The following PKN2 variants were observed in gnomAD, a reference collection of about 807,000 sequenced individuals.
The protein encoded by PKN2 is protein kinase N2.
Under a neutral mutation model 119.1 loss-of-function variants are expected in PKN2, and 38 were observed. The observed-to-expected ratio is 0.32, with a 90% CI of 0.25 to 0.42. PKN2 has a LOEUF of 0.42. PKN2 is among the 10% of genes least tolerant of loss of function. The pLI is 1.00. For synonymous variants in PKN2, 390 were observed against 384.9 expected, an observed-to-expected ratio of 1.01 and a Z score of -0.15; for missense variants, 850 against 1,165.1, an observed-to-expected ratio of 0.73 and a Z score of 3.94.
At chr1:88,775,392 A>G (rs1670051828) in intron 6 of PKN2, among the ~76,000 whole-genome samples, 1 of 152,218 alleles carries the variant, frequency 6.6e-6, no homozygotes, top group Admixed American at 6.5e-5. Flanking sequence ...TCTTTCACTT[A>G]GTAATATGCA....
At chr1:88,813,844 C>A (rs1362428449) in intron 16 of PKN2, 111 bp downstream of exon 16, 1 of 836,132 alleles carries the variant, frequency 1.2e-6, no homozygotes, top group Non-Finnish European at 1.8e-6. Context: ...AAATAGATCT[C>A]TGCAAGAAAT....
At chr1:88,714,672 G>T (rs1364180291) in intron 1 of PKN2, among the ~76,000 whole-genome samples, 2 of 152,142 alleles carry the variant, frequency 1.3e-5, no homozygotes, top group African/African-American at 4.8e-5. Context: ...GAGATTTGGG[G>T]CTGAGACGAT....
At chr1:88,717,547 T>C (rs1303845482) in intron 1 of PKN2, among the ~76,000 whole-genome samples, 1 of 151,950 alleles carries the variant, frequency 6.6e-6, no homozygotes, top group Non-Finnish European at 1.5e-5. Context: ...TCATTTGATC[T>C]TCAATCACTG....
chr1:88,697,982 T>A (rs1666610119), intron 1 of PKN2, among the ~76,000 whole-genome samples: 1 of 152,234 alleles, frequency 6.6e-6, no homozygotes, highest in South Asian at 2.1e-4. Context: ...CTAGGCTTAA[T>A]GCTTAAAATC....
At chr1:88,809,689 C>G (rs1298940282) in intron 15 of PKN2, among the ~76,000 whole-genome samples, 2 of 152,118 alleles carry the variant, frequency 1.3e-5, no homozygotes, top group Non-Finnish European at 2.9e-5. Flanking sequence ...TAGCATGATC[C>G]TAGTTCACTG....
chr1:88,698,342 CT>C (rs774659956), intron 1 of PKN2, among the ~76,000 whole-genome samples: 1 of 152,146 alleles, frequency 6.6e-6, no homozygotes, highest in Non-Finnish European at 1.5e-5. Flanking sequence ...AAGGACCCCC[CT>C]GTACAATGAA....
intron 8 of PKN2, among the ~76,000 whole-genome samples, chr1:88,788,732 A>C (rs1179583502): frequency 6.6e-6 from 1 of 152,132 alleles, no homozygotes; most frequent in Non-Finnish European, 1.5e-5. Flanking sequence ...CTCCTGAACC[A>C]CCGTGCCTGG....
chr1:88,729,798 G>C (rs79257703), intron 1 of PKN2, among the ~76,000 whole-genome samples: 1 of 150,838 alleles, frequency 6.6e-6, no homozygotes, highest in African/African-American at 2.5e-5. Flanking sequence ...CCATAGCTTC[G>C]CAACATGTTG....
rs1473696683 is a variant in PKN2, at chr1:88,833,443, T to C, written c.2950T>C (p.Cys984Arg). The change falls in exon 22 of 22, where the codon TGT (cysteine) becomes CGT (arginine). Residue 984 changes from cysteine to arginine, a missense_variant. This residue lies in a region of PKN2 where 52 missense variants were observed against 39.9 expected (regional missense o/e 1.30). Transcript: ENST00000370521. ...AGATTTTGACTACATTGCTGATTGG[T>C]GTTAAGTTGCTAGACACTGCGAAAC... ...FRDFDYIADW[C>R] The C allele has an allele frequency of 6.2e-6, 10 of 1,612,762 alleles. No individual in the cohort carries two copies. Among genetic ancestry groups the C allele is most frequent in the Non-Finnish European group, 7.6e-6 (9 of 1,179,032 alleles).
chr1:88,710,996 T>TG (rs1199147611), intron 1 of PKN2, among the ~76,000 whole-genome samples: 1 of 152,084 alleles, frequency 6.6e-6, no homozygotes, highest in Non-Finnish European at 1.5e-5. Flanking sequence ...ATGTCTTCTG[T>TG]GGGGACATGG....
chr1:88,698,479 T>G (rs1666630038), intron 1 of PKN2, among the ~76,000 whole-genome samples: 1 of 152,230 alleles, frequency 6.6e-6, no homozygotes, highest in South Asian at 2.1e-4. Flanking sequence ...CTTGGTGAAG[T>G]CAATTCTGGA....
intron 1 of PKN2, among the ~76,000 whole-genome samples, chr1:88,712,085 T>G (rs1667258139): frequency 6.6e-6 from 1 of 152,154 alleles, no homozygotes; most frequent in South Asian, 2.1e-4. Flanking sequence ...AAAATTATTT[T>G]TGTTTTACAT....
chr1:88,808,207 TC>T (rs1286235810), intron 15 of PKN2, among the ~76,000 whole-genome samples: 1 of 152,184 alleles, frequency 6.6e-6, no homozygotes, highest in Admixed American at 6.5e-5. Context: ...CTTATTTTTT[TC>T]CTTTTATTTT....
chr1:88,754,015 T>C (rs539074926), intron 2 of PKN2, among the ~76,000 whole-genome samples: 152 of 147,702 alleles, frequency 1.0e-3, no homozygotes, highest in African/African-American at 4.0e-3. Context: ...CTGACTGCTG[T>C]GAAGACTGTC....
In PKN2 at chr1:88,820,180, C is replaced by CAATATATA. The variant is rs1491259052; in HGVS notation, c.2280-1761_2280-1760insAATATATA. On this transcript the variant is annotated intron_variant, in intron 16 of 21. Coordinates refer to ENST00000370521, the MANE Select transcript of PKN2 (RefSeq NM_006256.4). The stretch of plus-strand genomic sequence containing the variant: ...AAATCAAACAAATCTTTTCAGAAAC[C>CAATATATA]TATATATATATATATATATATATAT... Among the ~76,000 whole-genome samples the CAATATATA allele has an allele frequency of 8.1e-4, 57 of 70,718 alleles. 3 individuals carry two copies. The highest frequency in any genetic ancestry group is 2.4e-3 in the East Asian group (5 of 2,060). The allele number at this position is 70,718 out of a possible 152,430, so 46.4% of individuals were successfully genotyped here.
At chr1:88,736,709 A>G (rs1267836969) in intron 1 of PKN2, among the ~76,000 whole-genome samples, 1 of 152,116 alleles carries the variant, frequency 6.6e-6, no homozygotes, top group East Asian at 1.9e-4. Context: ...TTGAGGGATT[A>G]GCTGTTTATT....
chr1:88,690,092 T>G (rs565413476), intron 1 of PKN2, among the ~76,000 whole-genome samples: 1 of 152,328 alleles, frequency 6.6e-6, no homozygotes, highest in South Asian at 2.1e-4. Flanking sequence ...CATCTCTCAT[T>G]AGTGTAATAG....
chr1:88,687,062 A>T (rs1298211554), intron 1 of PKN2, among the ~76,000 whole-genome samples: 4 of 152,134 alleles, frequency 2.6e-5, no homozygotes, highest in Non-Finnish European at 1.5e-5. Flanking sequence ...ATTGATATTT[A>T]TTTAGAAATA....
At chr1:88,775,612 G>A (rs1249556265) in intron 6 of PKN2, among the ~76,000 whole-genome samples, 2 of 152,096 alleles carry the variant, frequency 1.3e-5, no homozygotes, top group Middle Eastern at 3.2e-3. Flanking sequence ...TTACCCCAAT[G>A]ATTATAACTA....
Sources: allele counts gnomAD v4.1 joint callset (sites outside exome capture counted in the v4.1 genomes callset), GRCh38; gene constraint gnomAD v4.1.1; regional missense constraint gnomAD v4.1.1; transcripts MANE v1.5; gene names NCBI Gene and HGNC (gene_info 2026-07-23, HGNC 2026-07-21).